NIBAN1: variants seen among roughly 807,000 people sequenced by gnomAD.
NIBAN1 encodes protein Niban 1.
Under a neutral mutation model 75.1 loss-of-function variants are expected in NIBAN1, and 81 were observed. The ratio of observed to expected loss-of-function variants is 1.08; its 90% CI spans 0.90 to 1.30. The LOEUF (loss-of-function observed/expected upper bound fraction) is 1.30. Among genes scored for constraint, NIBAN1 ranks in the 50% most tolerant of loss-of-function variants. The pLI is 0.00. For missense variants in NIBAN1, 1,133 were observed against 1,128.1 expected (o/e 1.00, Z -0.06); for synonymous variants, 436 against 424.8 (o/e 1.03, Z -0.32).
chr1:184,839,658 C>T (rs1050164826), intron 5 of NIBAN1, among the ~76,000 whole-genome samples: 3 of 151,726 alleles, frequency 2.0e-5, no homozygotes, highest in South Asian at 2.1e-4. Context: ...TGCAATGGCA[C>T]GATCTTGGTT....
intron 5 of NIBAN1, among the ~76,000 whole-genome samples, chr1:184,832,530 G>C (rs1028472555): frequency 6.6e-6 from 1 of 152,168 alleles, no homozygotes; most frequent in African/African-American, 2.4e-5. Flanking sequence ...CCCTCGAGGA[G>C]AGTATAATTA....
intron 1 of NIBAN1, among the ~76,000 whole-genome samples, chr1:184,901,967 C>T (rs916949041): frequency 6.6e-6 from 1 of 152,020 alleles, no homozygotes; most frequent in East Asian, 1.9e-4. Flanking sequence ...TGGGGGGAAC[C>T]TAAAGTTATT....
intron 1 of NIBAN1, among the ~76,000 whole-genome samples, chr1:184,904,263 T>C (rs1057117109): frequency 3.3e-5 from 5 of 151,524 alleles, no homozygotes; most frequent in Admixed American, 2.6e-4. Flanking sequence ...ATCCCTAGAC[T>C]CATGATCCAC....
chr1:184,838,463 T>C (rs1222433564), intron 5 of NIBAN1, among the ~76,000 whole-genome samples: 1 of 152,108 alleles, frequency 6.6e-6, no homozygotes, highest in Admixed American at 6.5e-5. Context: ...GGGAGACACA[T>C]TTTGGCCATT....
At chr1:184,854,395 G>C (rs1655622088) in intron 5 of NIBAN1, among the ~76,000 whole-genome samples, 2 of 152,182 alleles carry the variant, frequency 1.3e-5, no homozygotes, top group Admixed American at 1.3e-4. Context: ...TACATACATA[G>C]CACAGCTTAT....
In NIBAN1 at chr1:184,974,283, C is replaced by T. The variant is rs1207783668; in HGVS notation, c.55+19G>A. On this transcript the variant is annotated intron_variant, in intron 1 of 13. Transcript: ENST00000367511. ...CACGGGTCAGGGTGCTCCCCAGGCC[C>T]CCGGGCGGGCGGGCGTACCTCGGAT... The T allele has an allele frequency of 3.2e-6, 5 of 1,550,604 alleles. No homozygotes were observed. Among genetic ancestry groups the T allele is most frequent in the African/African-American group, 1.4e-5 (1 of 73,114 alleles).
chr1:184,953,804 A>G (rs984537538), intron 1 of NIBAN1, among the ~76,000 whole-genome samples: 4 of 152,238 alleles, frequency 2.6e-5, no homozygotes, highest in African/African-American at 9.6e-5. Flanking sequence ...GTTAGTCACT[A>G]AAGTTGTCAT....
intron 1 of NIBAN1, among the ~76,000 whole-genome samples, chr1:184,919,239 A>T (rs1217826501): frequency 6.6e-6 from 1 of 152,248 alleles, no homozygotes; most frequent in Non-Finnish European, 1.5e-5. Context: ...TCTGGTACAA[A>T]CTGGCCTGTC....
intron 5 of NIBAN1, among the ~76,000 whole-genome samples, chr1:184,871,433 G>A (rs1259881129): frequency 2.6e-5 from 4 of 151,324 alleles, no homozygotes; most frequent in African/African-American, 9.7e-5. Context: ...ATGAAGGCAT[G>A]GATCAGAGTG....
intron 5 of NIBAN1, among the ~76,000 whole-genome samples, chr1:184,883,092 A>G (rs234659): frequency 0.59 from 88,923 of 151,936 alleles, 27,207 homozygotes; most frequent in African/African-American, 0.78. Flanking sequence ...AGTGACTCTC[A>G]CTCTGTGGGA....
chr1:184,931,955 C>T (rs1427965640), intron 1 of NIBAN1, among the ~76,000 whole-genome samples: 1 of 152,228 alleles, frequency 6.6e-6, no homozygotes, highest in Non-Finnish European at 1.5e-5. Flanking sequence ...TCTCCATGTT[C>T]TCCCTTCCTC....
At chr1:184,840,959 G>T (rs1413579814) in intron 5 of NIBAN1, among the ~76,000 whole-genome samples, 3 of 149,748 alleles carry the variant, frequency 2.0e-5, no homozygotes, top group African/African-American at 7.4e-5. Context: ...GAGTGTGAGT[G>T]TGTGTGTGTG....
chr1:184,898,682 A>T (rs1163986568), intron 2 of NIBAN1, among the ~76,000 whole-genome samples: 1 of 152,202 alleles, frequency 6.6e-6, no homozygotes, highest in Non-Finnish European at 1.5e-5. Flanking sequence ...ACCTGATATT[A>T]ATTTGTTTAT....
intron 1 of NIBAN1, among the ~76,000 whole-genome samples, chr1:184,961,153 C>G (rs941631663): frequency 3.4e-5 from 5 of 145,440 alleles, no homozygotes; most frequent in Admixed American, 7.0e-5. Context: ...ACTGCAAGCT[C>G]CGCCTCCTGG....
At chr1:184,935,273 G>A (rs566513434) in intron 1 of NIBAN1, among the ~76,000 whole-genome samples, 1 of 152,252 alleles carries the variant, frequency 6.6e-6, no homozygotes, top group Admixed American at 6.5e-5. Flanking sequence ...GGGAGGCTGA[G>A]GTGGGAGAAT....
chr1:184,831,225 T>C (rs1343874496), intron 6 of NIBAN1, among the ~76,000 whole-genome samples: 1 of 152,174 alleles, frequency 6.6e-6, no homozygotes, highest in Non-Finnish European at 1.5e-5. Flanking sequence ...GGAATTATAA[T>C]GTACCACAGG....
intron 12 of NIBAN1, among the ~76,000 whole-genome samples, chr1:184,802,555 G>A (rs1654073641): frequency 6.6e-6 from 1 of 152,164 alleles, no homozygotes; most frequent in African/African-American, 2.4e-5. Flanking sequence ...ACAAATAAAT[G>A]CCAAATATAT....
chr1:184,913,878 C>T (rs1273353457), intron 1 of NIBAN1, among the ~76,000 whole-genome samples: 1 of 152,172 alleles, frequency 6.6e-6, no homozygotes, highest in African/African-American at 2.4e-5. Flanking sequence ...GGATTGCAGC[C>T]ATGGATGCAA....
chr1:184,818,133 G>GT (rs959407413), intron 9 of NIBAN1, among the ~76,000 whole-genome samples: 23 of 148,678 alleles, frequency 1.5e-4, no homozygotes, highest in East Asian at 1.2e-3. Context: ...TTTGGCTGAA[G>GT]TTTTTTTTTT....
Sources: gnomAD v4.1 joint callset for allele counts (sites outside exome capture counted in the v4.1 genomes callset) on GRCh38, gnomAD v4.1.1 for gene constraint, MANE v1.5 for transcripts, NCBI Gene and HGNC (gene_info 2026-07-23, HGNC 2026-07-21) for gene names.